The following INTS8 variants were observed in gnomAD, a reference collection of about 807,000 sequenced individuals.
The protein encoded by INTS8 is integrator complex subunit 8, also known as protein kaonashi-1.
Under a neutral mutation model 138.9 loss-of-function variants are expected in INTS8, and 47 were observed. The observed-to-expected ratio is 0.34, with a 90% CI of 0.27 to 0.43. The LOEUF is 0.43. Among genes scored for constraint, INTS8 ranks in the 20% least tolerant of loss-of-function variants. INTS8 has a pLI of 1.00. For synonymous variants in INTS8, 392 were observed against 400.9 expected, an observed-to-expected ratio of 0.98 and a Z score of 0.27; for missense variants, 996 against 1,173.0, an observed-to-expected ratio of 0.85 and a Z score of 2.20.
At chr8:94,836,161 C>T (rs1331139737) in intron 6 of INTS8, among the ~76,000 whole-genome samples, 2 of 152,054 alleles carry the variant, frequency 1.3e-5, no homozygotes, top group Admixed American at 1.3e-4. Flanking sequence ...GGGTCTGGTC[C>T]GGGTGGCTAT....
chr8:94,860,646 C>T (rs374848494), intron 16 of INTS8, among the ~76,000 whole-genome samples: 14 of 148,182 alleles, frequency 9.4e-5, no homozygotes, highest in Admixed American at 4.0e-4. Context: ...TAACATTATA[C>T]GTCCCTGTCT....
rs1442186096 is a variant in INTS8 at position 94,861,674 on chromosome 8, C to T, written c.2076+2042C>T. 3.3e-4 allele frequency among the ~76,000 whole-genome samples: 50 copies of T among 150,890 alleles called. 1 individual carries two copies. The highest frequency in any genetic ancestry group is 1.2e-3 in the African/African-American group (49 of 41,116). The stretch of plus-strand genomic sequence containing the variant: ...TTCAAGCAATTCTCCTGCCTCAGCC[C>T]CCCGAGTAGCTGGGATTACAGGCAC... On this transcript the variant is annotated intron_variant, in intron 16 of 26. Transcript: ENST00000523731.
intron 6 of INTS8, among the ~76,000 whole-genome samples, chr8:94,833,793 C>T (rs989325694): frequency 6.6e-6 from 1 of 152,076 alleles, no homozygotes; most frequent in African/African-American, 2.4e-5. Context: ...TTTTTTGAGA[C>T]GGAGTTTCAC....
chr8:94,848,966 CTT>C (rs1815431340), intron 10 of INTS8, among the ~76,000 whole-genome samples: 1 of 151,710 alleles, frequency 6.6e-6, no homozygotes, highest in Non-Finnish European at 1.5e-5. Flanking sequence ...AGTTTCTATT[CTT>C]TGTTTGCATT....
chr8:94,846,013 T>A (rs1267420931), intron 10 of INTS8, among the ~76,000 whole-genome samples: 1 of 152,204 alleles, frequency 6.6e-6, no homozygotes, highest in Non-Finnish European at 1.5e-5. Flanking sequence ...TTGATTTCTT[T>A]AGGCAGTCTT....
intron 10 of INTS8, 104 bp downstream of exon 10, chr8:94,842,592 G>T (rs11786389): frequency 4.5e-6 from 4 of 897,364 alleles, no homozygotes; most frequent in Middle Eastern, 6.6e-4. Flanking sequence ...TCTGCCTTGC[G>T]TTTCTGTGCC....
rs758559642 is a variant in INTS8, at chr8:94,859,536, T to G, written c.1980T>G (p.Ala660=). ...LPDIPLRQVI[A]EECVAFMLNW... ...ATATTCCTCTTCGTCAAGTTATAGCTGAGGAATGTGTTGCCTTTATGTTAA... is the reference window on the plus strand; with the variant it reads ...ATATTCCTCTTCGTCAAGTTATAGCGGAGGAATGTGTTGCCTTTATGTTAA... Residue 660 remains alanine (A), a synonymous_variant, in exon 16 of 27, where the codon GCT becomes GCG. Coordinates refer to ENST00000523731, the MANE Select transcript of INTS8 (RefSeq NM_017864.4). 3 of 1,613,060 alleles carry G rather than the reference T, an allele frequency of 1.9e-6. No homozygotes were observed. The Admixed American group carries it at 5.0e-5, about 27-fold the overall frequency.
intron 4 of INTS8, 86 bp downstream of exon 4, chr8:94,827,879 AG>A: frequency 9.3e-7 from 1 of 1,079,434 alleles, no homozygotes; most frequent in Non-Finnish European, 1.4e-6. Context: ...CCTCTGTTAT[AG>A]AAGAAGTAGA....
At chr8:94,830,042 C>G (rs1210374485) in intron 5 of INTS8, among the ~76,000 whole-genome samples, 1 of 152,100 alleles carries the variant, frequency 6.6e-6, no homozygotes, top group Non-Finnish European at 1.5e-5. Flanking sequence ...ATTACAGGCA[C>G]TTGCCACCAT....
intron 10 of INTS8, among the ~76,000 whole-genome samples, chr8:94,845,857 A>C (rs907634757): frequency 6.6e-6 from 1 of 152,216 alleles, no homozygotes; most frequent in Non-Finnish European, 1.5e-5. Flanking sequence ...TTTAGAAGCC[A>C]GTTTAGAAAG....
intron 16 of INTS8, among the ~76,000 whole-genome samples, chr8:94,861,056 C>CA (rs1195647511): frequency 0.18 from 18,191 of 98,992 alleles, 1,470 homozygotes; most frequent in Middle Eastern, 0.25. Context: ...GACTCTGTCT[C>CA]AAAAAAAAAA....
rs1814356483 is a variant in INTS8, at chr8:94,823,459, G to GCGGCCACCTCCAGC, written c.34_47dup (p.Cys17ProfsTer40). 2.6e-6 allele frequency: 4 copies of GCGGCCACCTCCAGC among 1,543,016 alleles called. No individual in the cohort carries two copies. Among genetic ancestry groups the GCGGCCACCTCCAGC allele is most frequent in the Non-Finnish European group, 3.5e-6 (4 of 1,144,498 alleles). ...GAGCGCGGAGGCGGCGGACCGGGAGGCGGCCACCTCCAGCCGGCCCTGCAC... is the reference window on the plus strand; with the variant it reads ...GAGCGCGGAGGCGGCGGACCGGGAGGCGGCCACCTCCAGCCGGCCACCTCCAGCCGGCCCTGCAC... On this transcript the variant is annotated frameshift_variant, in exon 1 of 27. Coordinates refer to ENST00000523731, the MANE Select transcript of INTS8 (RefSeq NM_017864.4). LOFTEE classifies it high-confidence loss of function.
chr8:94,823,768 C>T (rs1269064724), intron 1 of INTS8, among the ~76,000 whole-genome samples: 1 of 152,254 alleles, frequency 6.6e-6, no homozygotes, highest in Non-Finnish European at 1.5e-5. Context: ...TCTCCTACCC[C>T]CGGAGGGGAG....
At chr8:94,871,386 A>G (rs1177969300) in intron 20 of INTS8, among the ~76,000 whole-genome samples, 1 of 151,806 alleles carries the variant, frequency 6.6e-6, no homozygotes, top group African/African-American at 2.4e-5. Context: ...GCCGAGGCAG[A>G]GGAATCACTT....
chr8:94,875,501 T>C (rs897053902), intron 23 of INTS8, among the ~76,000 whole-genome samples: 2 of 152,074 alleles, frequency 1.3e-5, no homozygotes, highest in African/African-American at 2.4e-5. Context: ...CTAATGGACT[T>C]TTTTGGGGGA....
rs1438715356 is a variant in INTS8, at chr8:94,865,524, G to A, written c.2095G>A (p.Ala699Thr). Residue 699 changes from alanine (A) to threonine (T), a missense_variant, in exon 17 of 27, where the codon GCT (alanine) becomes ACT (threonine). By Grantham distance (58) the Ala-to-Thr change is moderately conservative. Transcript: ENST00000523731. ...GTTATAGCTTGGACAGCTTTTAGCA[G>A]CTACATGCAAAGAACTTCCAGGCCC... ...PYVKLGQLLA[A>T]TCKELPGPKE... 1 of 1,613,608 alleles carries A rather than the reference G, an allele frequency of 6.2e-7. No individual in the cohort carries two copies. Among genetic ancestry groups the A allele is most frequent in the Admixed American group, 1.7e-5 (1 of 59,966 alleles).
intron 20 of INTS8, among the ~76,000 whole-genome samples, chr8:94,871,346 T>C (rs1482687553): frequency 7.4e-5 from 11 of 149,604 alleles, no homozygotes; most frequent in Non-Finnish European, 1.5e-5. Flanking sequence ...GGTGTGGTGG[T>C]GAGCGCCTGT....
chr8:94,865,378 G>A (rs971977551), intron 16 of INTS8, 128 bp from the exon 17 acceptor site: 35 of 700,372 alleles, frequency 5.0e-5, no homozygotes, highest in Non-Finnish European at 7.4e-5. Context: ...AGAATGCACA[G>A]CATAAAATAA....
In INTS8 at chr8:94,824,928, G is replaced by C; in HGVS notation, c.166G>C (p.Glu56Gln). ...APVQLIVQFL[E>Q]QASKPSVNEQ... is the part of the protein sequence containing the mutation. The stretch of plus-strand genomic sequence containing the variant: ...AGTTCAACTTATAGTTCAGTTTTTG[G>C]AACAGGCTTCCAAACCTTCAGTTAA... Residue 56 changes from glutamate (E) to glutamine (Q), a missense_variant, in exon 2 of 27, where the codon GAA (glutamate) becomes CAA (glutamine). Glu to Gln is a conservative substitution (Grantham distance 29). Transcript: ENST00000523731. 1 of 1,612,446 alleles carries C rather than the reference G, an allele frequency of 6.2e-7. No homozygotes were observed. The highest frequency in any genetic ancestry group is 8.5e-7 in the Non-Finnish European group (1 of 1,179,098).
Sources: gnomAD v4.1 joint callset for allele counts (sites outside exome capture counted in the v4.1 genomes callset) on GRCh38, gnomAD v4.1.1 for gene constraint, MANE v1.5 for transcripts, NCBI Gene and HGNC (gene_info 2026-07-23, HGNC 2026-07-21) for gene names.